Variants in PTPRG observed in about 807,000 individuals in gnomAD.
PTPRG encodes receptor-type tyrosine-protein phosphatase gamma.
PTPRG carries 102 observed loss-of-function variants against 165.3 expected under a neutral mutation model. The ratio of observed to expected loss-of-function variants is 0.62; its 90% CI spans 0.53 to 0.73. The LOEUF (loss-of-function observed/expected upper bound fraction) is 0.73, where lower values mean the gene tolerates loss of function less well. Among genes scored for constraint, PTPRG ranks in the 30% least tolerant of loss-of-function variants. The probability of loss-of-function intolerance (pLI) is 0.00; values close to 1 mark genes in which losing one functional copy is unlikely to be tolerated. For synonymous variants in PTPRG, 675 were observed against 669.5 expected, an observed-to-expected ratio of 1.01 and a Z score of -0.13; for missense variants, 1,866 against 1,861.4, an observed-to-expected ratio of 1.00 and a Z score of -0.05.
chr3:61,771,168 A>G (rs2034195869), intron 2 of PTPRG: 1 of 152,178 alleles, frequency 6.6e-6, no homozygotes, highest in Non-Finnish European at 1.5e-5. Flanking sequence ...CAAAAAAATC[A>G]GAACAGAAAA....
At chr3:61,836,667 T>C (rs1490793317) in intron 2 of PTPRG, among the ~76,000 whole-genome samples, 1 of 152,236 alleles carries the variant, frequency 6.6e-6, no homozygotes, top group Non-Finnish European at 1.5e-5. Context: ...TTTAATAACT[T>C]GCTGAAGATG....
chr3:62,210,692 A>G lies in PTPRG; in HGVS notation c.2155+6742A>G, dbSNP rs1700338636. ...ACCCCTTTTCATTCTCCCCTCATCA[A>G]CCTACTGAAAGATGATGAGAATGAA... On this transcript the variant is annotated intron_variant, in intron 12 of 29. Coordinates refer to ENST00000474889, the MANE Select transcript of PTPRG (RefSeq NM_002841.4). This position sits in a 1 kb window ranked among gnomAD's most constrained non-coding sequence, Gnocchi z 4.1. Among the ~76,000 whole-genome samples the G allele has an allele frequency of 6.6e-6, 1 of 152,064 alleles. No individual in the cohort carries two copies. The highest frequency in any genetic ancestry group is 6.5e-5 in the Admixed American group (1 of 15,272).
intron 2 of PTPRG, among the ~76,000 whole-genome samples, chr3:61,790,853 CAT>C (rs1407893744): frequency 6.6e-6 from 1 of 151,246 alleles, no homozygotes; most frequent in Non-Finnish European, 1.5e-5. Context: ...TCATCTCTGA[CAT>C]AGGTAGGTAC....
chr3:61,749,035 A>C, intron 2 of PTPRG, 53 bp downstream of exon 2: 3 of 1,383,620 alleles, frequency 2.2e-6, no homozygotes, highest in Non-Finnish European at 3.1e-6. Context: ...CATCCCATTC[A>C]ACTCACTTGA....
intron 5 of PTPRG, among the ~76,000 whole-genome samples, chr3:62,082,096 A>G (rs537574223): frequency 6.6e-6 from 1 of 152,356 alleles, no homozygotes; most frequent in South Asian, 2.1e-4. Context: ...TCAGAGTGAC[A>G]CAAAGAGAAT....
At position 62,221,595 on chromosome 3, in the gene PTPRG, G is replaced by A. The variant is rs557545144; in HGVS notation, c.2288+2612G>A. On this transcript the variant is annotated intron_variant, in intron 13 of 29. Coordinates refer to ENST00000474889, the MANE Select transcript of PTPRG (RefSeq NM_002841.4). ...GCAGTTTTTTAGCTAGAACAACAGT[G>A]CTTTTCTTCTGCCTTTTGAGGCACA... Among the ~76,000 whole-genome samples the A allele has an allele frequency of 1.9e-3, 289 of 152,306 alleles. 2 individuals carry two copies. The highest frequency in any genetic ancestry group is 6.4e-3 in the African/African-American group (268 of 41,566).
intron 2 of PTPRG, among the ~76,000 whole-genome samples, chr3:61,889,089 A>G (rs903769350): frequency 6.6e-6 from 1 of 152,146 alleles, no homozygotes. Flanking sequence ...TTGTAAGATG[A>G]TACTTTGAAT....
intron 15 of PTPRG, among the ~76,000 whole-genome samples, chr3:62,248,611 CTACAT>C (rs1327520153): frequency 6.6e-6 from 1 of 152,120 alleles, no homozygotes; most frequent in Non-Finnish European, 1.5e-5. Flanking sequence ...GAAGCATTCA[CTACAT>C]TATATTATTC....
In PTPRG at chr3:61,590,360, A is replaced by T. The variant is rs574861506; in HGVS notation, c.85+27988A>T. On this transcript the variant is annotated intron_variant, in intron 1 of 29. Transcript: ENST00000474889. ...AACATGGCCAAACCCCGTCTCTATT[A>T]AAAAATATATAAAAATTAGCTGGCG... Among the ~76,000 whole-genome samples the T allele has an allele frequency of 5.9e-5, 9 of 152,226 alleles. 2 individuals carry two copies. In the South Asian group the frequency reaches 1.9e-3, roughly 32 times the overall value.
intron 20 of PTPRG, among the ~76,000 whole-genome samples, chr3:62,270,343 G>A (rs1156369887): frequency 1.3e-5 from 2 of 152,052 alleles, no homozygotes; most frequent in Non-Finnish European, 2.9e-5. Context: ...TCCTTTCTAT[G>A]TATGTTTATT....
intron 2 of PTPRG, among the ~76,000 whole-genome samples, chr3:61,955,813 G>A (rs72885842): frequency 6.9e-4 from 105 of 152,210 alleles, no homozygotes; most frequent in African/African-American, 2.4e-3. Context: ...ATATACTTGA[G>A]AAAGTTCTCC....
intron 2 of PTPRG, among the ~76,000 whole-genome samples, chr3:61,830,595 A>G (rs1233387995): frequency 3.9e-4 from 36 of 91,870 alleles, no homozygotes; most frequent in Non-Finnish European, 5.5e-4. Context: ...TTTTTTGGAG[A>G]TGGAGTTTCG....
At chr3:61,829,493 T>C (rs1477673507) in intron 2 of PTPRG, among the ~76,000 whole-genome samples, 1 of 152,222 alleles carries the variant, frequency 6.6e-6, no homozygotes. Flanking sequence ...AGGGACATAC[T>C]TGGGCTTAAA....
intron 2 of PTPRG, among the ~76,000 whole-genome samples, chr3:61,822,744 C>T (rs1156428212): frequency 1.3e-5 from 2 of 152,096 alleles, no homozygotes; most frequent in East Asian, 1.9e-4. Context: ...ATTTTTGGTG[C>T]AAAAATAGTT....
At chr3:62,211,326 G>A (rs1700352396) in intron 12 of PTPRG, among the ~76,000 whole-genome samples, 1 of 152,128 alleles carries the variant, frequency 6.6e-6, no homozygotes, top group Non-Finnish European at 1.5e-5. Flanking sequence ...AAGTAGAATG[G>A]TGGTTGCCAG....
intron 6 of PTPRG, among the ~76,000 whole-genome samples, chr3:62,135,976 C>T (rs113350281): frequency 1.8e-4 from 28 of 152,260 alleles, no homozygotes; most frequent in Admixed American, 7.2e-4. Context: ...TGATTGTAGA[C>T]GCTGGGCAGA....
At chr3:62,262,921 C>A in intron 17 of PTPRG, 27 bp downstream of exon 17, 1 of 1,524,682 alleles carries the variant, frequency 6.6e-7, no homozygotes, top group South Asian at 1.1e-5. Context: ...AAACTACCTT[C>A]AACTGCGAGG....
At chr3:61,936,634 TGTG>T (rs1313191608) in intron 2 of PTPRG, among the ~76,000 whole-genome samples, 3 of 152,218 alleles carry the variant, frequency 2.0e-5, no homozygotes, top group Non-Finnish European at 4.4e-5. Context: ...TCATTGTAGC[TGTG>T]TAGCTCCAAT....
At chr3:61,974,404 T>G (rs1170446058) in intron 2 of PTPRG, among the ~76,000 whole-genome samples, 2 of 151,960 alleles carry the variant, frequency 1.3e-5, no homozygotes, top group East Asian at 3.9e-4. Flanking sequence ...AATATAAAAA[T>G]CAGCCGGGCA....
Sources: allele counts gnomAD v4.1 joint callset (sites outside exome capture counted in the v4.1 genomes callset), GRCh38; gene constraint gnomAD v4.1.1; non-coding constraint Gnocchi (gnomAD v3.1); transcripts MANE v1.5; gene names NCBI Gene and HGNC (gene_info 2026-07-23, HGNC 2026-07-21).